The following CNTN1 variants were observed in gnomAD, a reference collection of about 807,000 sequenced individuals.
CNTN1 encodes the protein contactin 1.
A neutral mutation model predicts 126.4 loss-of-function variants in CNTN1; 38 were observed. The observed-to-expected ratio is 0.30, with a 90% CI of 0.23 to 0.39. The LOEUF (loss-of-function observed/expected upper bound fraction) is 0.39, where lower values mean the gene tolerates loss of function less well. Among genes scored for constraint, CNTN1 ranks in the 10% least tolerant of loss-of-function variants. The pLI is 1.00. For missense variants in CNTN1, 1,009 were observed against 1,248.4 expected (o/e 0.81, Z 2.89); for synonymous variants, 413 against 422.6 (o/e 0.98, Z 0.28).
intron 1 of CNTN1, among the ~76,000 whole-genome samples, chr12:40,802,205 G>C (rs953862300): frequency 6.6e-6 from 1 of 151,918 alleles, no homozygotes; most frequent in East Asian, 1.9e-4. Flanking sequence ...GTTGGAGACA[G>C]AGTTTGAGTT....
intron 1 of CNTN1, among the ~76,000 whole-genome samples, chr12:40,882,070 G>A (rs1943888150): frequency 6.6e-6 from 1 of 151,694 alleles, no homozygotes; most frequent in Non-Finnish European, 1.5e-5. Context: ...GGCATCAGAT[G>A]TTGAGGGGAA....
intron 1 of CNTN1, among the ~76,000 whole-genome samples, chr12:40,724,578 T>G (rs1044511264): frequency 6.6e-6 from 1 of 152,296 alleles, no homozygotes; most frequent in South Asian, 2.1e-4. Flanking sequence ...ATACATAAGT[T>G]TTTTGGAAGA....
chr12:40,747,423 A>G (rs1024812544), intron 1 of CNTN1, among the ~76,000 whole-genome samples: 2 of 152,012 alleles, frequency 1.3e-5, no homozygotes, highest in African/African-American at 2.4e-5. Context: ...AGACAAAAAA[A>G]GATGATAAAA....
At chr12:40,805,418 T>C (rs1254079381) in intron 1 of CNTN1, among the ~76,000 whole-genome samples, 1 of 152,038 alleles carries the variant, frequency 6.6e-6, no homozygotes, top group Non-Finnish European at 1.5e-5. Flanking sequence ...GTTCATTGAA[T>C]GTTTCCTGAG....
At chr12:40,728,449 A>T (rs1942413822) in intron 1 of CNTN1, among the ~76,000 whole-genome samples, 1 of 152,134 alleles carries the variant, frequency 6.6e-6, no homozygotes, top group African/African-American at 2.4e-5. Context: ...AAGCTCTGTA[A>T]GACTTCTTCC....
intron 1 of CNTN1, among the ~76,000 whole-genome samples, chr12:40,864,128 C>A (rs1392497136): frequency 1.4e-5 from 2 of 144,600 alleles, no homozygotes; most frequent in Non-Finnish European, 3.0e-5. Flanking sequence ...TCAAGTGATT[C>A]TCCTTCAGCC....
chr12:40,786,643 T>C (rs1432877953), intron 1 of CNTN1, among the ~76,000 whole-genome samples: 2 of 151,962 alleles, frequency 1.3e-5, no homozygotes, highest in Non-Finnish European at 2.9e-5. Flanking sequence ...GCAGGATAAA[T>C]TAAAAGAAAA....
chr12:40,779,136 G>T (rs1309121905), intron 1 of CNTN1, among the ~76,000 whole-genome samples: 1 of 151,506 alleles, frequency 6.6e-6, no homozygotes, highest in African/African-American at 2.4e-5. Flanking sequence ...TTTTTTTAAG[G>T]ATTTTTGATA....
chr12:40,720,465 G>A (rs984750767), intron 1 of CNTN1, among the ~76,000 whole-genome samples: 5 of 151,914 alleles, frequency 3.3e-5, no homozygotes, highest in Non-Finnish European at 7.4e-5. Context: ...TACAACCAGT[G>A]AATTAAGGCA....
chr12:40,770,126 A>G (rs1428292634), intron 1 of CNTN1, among the ~76,000 whole-genome samples: 3 of 152,180 alleles, frequency 2.0e-5, no homozygotes, highest in African/African-American at 7.2e-5. Context: ...ATTTTGTTAA[A>G]TACTACCAAA....
chr12:40,991,199 G>A (rs1226153843), intron 16 of CNTN1, among the ~76,000 whole-genome samples: 1 of 151,956 alleles, frequency 6.6e-6, no homozygotes, highest in East Asian at 1.9e-4. Context: ...ATATCCCTTG[G>A]CTTGTGGCTA....
chr12:41,061,545 G>A (rs1949939439), intron 23 of CNTN1, among the ~76,000 whole-genome samples: 1 of 152,108 alleles, frequency 6.6e-6, no homozygotes, highest in African/African-American at 2.4e-5. Flanking sequence ...ACCCACCGAA[G>A]CCACTAGCAC....
At chr12:40,952,282 T>G (rs1239517900) in intron 14 of CNTN1, among the ~76,000 whole-genome samples, 1 of 152,070 alleles carries the variant, frequency 6.6e-6, no homozygotes, top group African/African-American at 2.4e-5. Context: ...ATAGTAAATC[T>G]TTGGGTAGTG....
chr12:41,036,416 T>G (rs1949266061), intron 23 of CNTN1, among the ~76,000 whole-genome samples: 1 of 152,052 alleles, frequency 6.6e-6, no homozygotes, highest in African/African-American at 2.4e-5. Flanking sequence ...CAAGACTAAC[T>G]TAGAGAACCA....
At chr12:40,808,546 A>G (rs909400744) in intron 1 of CNTN1, among the ~76,000 whole-genome samples, 3 of 151,584 alleles carry the variant, frequency 2.0e-5, no homozygotes, top group Non-Finnish European at 4.4e-5. Flanking sequence ...AATGATTTAG[A>G]GTATTTAGCA....
rs147156048 is a variant in CNTN1 at position 41,045,867 on chromosome 12, T to C, written c.2980+16648T>C. 3.9e-3 allele frequency among the ~76,000 whole-genome samples: 599 copies of C among 152,272 alleles called. 7 individuals carry two copies. The highest frequency in any genetic ancestry group is 0.014 in the African/African-American group (577 of 41,574). ...GTCCTTCTTCTATAACCTTCCATTT[T>C]AGGGCCTGCATACTTGACTCTCACT... On this transcript the variant is annotated intron_variant, in intron 23 of 23. Coordinates refer to ENST00000551295, the MANE Select transcript of CNTN1 (RefSeq NM_001843.4).
intron 1 of CNTN1, among the ~76,000 whole-genome samples, chr12:40,804,020 T>C (rs1036225940): frequency 5.3e-5 from 8 of 152,012 alleles, no homozygotes; most frequent in Non-Finnish European, 1.2e-4. Context: ...GTGTGCTCAC[T>C]AGGCTAATTT....
chr12:40,878,172 T>C (rs930802911), intron 1 of CNTN1, among the ~76,000 whole-genome samples: 1 of 151,740 alleles, frequency 6.6e-6, no homozygotes, highest in Non-Finnish European at 1.5e-5. Context: ...TAATGTTGTA[T>C]TTTTAGTAGA....
At chr12:40,893,627 C>T (rs1327222757) in intron 1 of CNTN1, among the ~76,000 whole-genome samples, 1 of 152,076 alleles carries the variant, frequency 6.6e-6, no homozygotes, top group African/African-American at 2.4e-5. Context: ...CTTACTGCTT[C>T]CTCCCCTTAT....
Sources: allele counts gnomAD v4.1 joint callset (sites outside exome capture counted in the v4.1 genomes callset), GRCh38; gene constraint gnomAD v4.1.1; transcripts MANE v1.5; gene names NCBI Gene and HGNC (gene_info 2026-07-23, HGNC 2026-07-21).